Variants in RTL4 observed in about 807,000 individuals in gnomAD.
The protein encoded by RTL4 is retrotransposon Gag-like protein 4.
A neutral mutation model predicts 5.3 loss-of-function variants in RTL4; 4 were observed. The observed-to-expected ratio is 0.75, with a 90% CI of 0.37 to 1.72. The LOEUF (loss-of-function observed/expected upper bound fraction) is 1.72, where lower values mean the gene tolerates loss of function less well. Ranked by LOEUF, RTL4 falls within the 40% of genes most tolerant of loss-of-function variation. RTL4 has a pLI of 0.04. For synonymous variants in RTL4, 98 were observed against 87.3 expected, an observed-to-expected ratio of 1.12 and a Z score of -0.68; for missense variants, 260 against 227.1, an observed-to-expected ratio of 1.14 and a Z score of -0.93.
At chrX:112,090,922 A>G in the RTL4 span, among the ~76,000 whole-genome samples, 3 of 111,292 alleles carry the variant, frequency 2.7e-5, no homozygotes, top group African/African-American at 9.8e-5. Context: ...CAGTCATTCA[A>G]TCACCTTACT....
At chrX:112,316,414 G>T in the RTL4 span, among the ~76,000 whole-genome samples, 1 of 111,415 alleles carries the variant, frequency 9.0e-6, no homozygotes, top group African/African-American at 3.3e-5. Flanking sequence ...TATAAAGGAG[G>T]ACTGGATTAG....
the RTL4 span, among the ~76,000 whole-genome samples, chrX:112,332,784 A>T: frequency 9.1e-6 from 1 of 110,488 alleles, no homozygotes; most frequent in Non-Finnish European, 1.9e-5. Context: ...CACATATGTG[A>T]CGGACCTGCA....
At chrX:112,249,788 TATATAGAGAGAG>T in the RTL4 span, among the ~76,000 whole-genome samples, 1 of 97,323 alleles carries the variant, frequency 1.0e-5, no homozygotes, top group African/African-American at 4.2e-5. Flanking sequence ...TATATATATA[TATATAGAGAGAG>T]AGAGAGAGAT....
chrX:112,332,347 A>G, the RTL4 span, among the ~76,000 whole-genome samples: 1 of 110,416 alleles, frequency 9.1e-6, no homozygotes, highest in African/African-American at 3.3e-5. Context: ...TACCCAAGGG[A>G]TTATAAATCA....
At chrX:112,409,645 C>T in the RTL4 span, among the ~76,000 whole-genome samples, 5 of 108,823 alleles carry the variant, frequency 4.6e-5, no homozygotes, top group Admixed American at 3.0e-4. Context: ...CACTTGAACC[C>T]GGGAGGTGGA....
chrX:112,396,652 C>T, the RTL4 span, among the ~76,000 whole-genome samples: 307 of 111,400 alleles, frequency 2.8e-3, 1 homozygote, highest in African/African-American at 9.8e-3. Flanking sequence ...TAGTATGAGA[C>T]ATTTGGTACA....
At chrX:112,258,358 T>G in the RTL4 span, among the ~76,000 whole-genome samples, 1 of 110,450 alleles carries the variant, frequency 9.1e-6, no homozygotes, top group Non-Finnish European at 1.9e-5. Context: ...TGGCGGGTGT[T>G]GATAATAGGG....
At chrX:112,284,339 T>C in the RTL4 span, among the ~76,000 whole-genome samples, 1 of 110,770 alleles carries the variant, frequency 9.0e-6, no homozygotes, top group South Asian at 3.8e-4. Context: ...TTCTCACTTA[T>C]GGGTTGTGTG....
the RTL4 span, among the ~76,000 whole-genome samples, chrX:112,250,142 G>C: frequency 1.8e-5 from 2 of 110,335 alleles, no homozygotes; most frequent in Non-Finnish European, 3.8e-5. Context: ...AGCTGGGCGT[G>C]GTGGCTGGCG....
chrX:112,350,411 A>G, the RTL4 span, among the ~76,000 whole-genome samples: 1 of 108,264 alleles, frequency 9.2e-6, no homozygotes, highest in Non-Finnish European at 1.9e-5. Flanking sequence ...CTCTTTTTCT[A>G]TTGATTGGAA....
At chrX:112,108,071 G>C in the RTL4 span, among the ~76,000 whole-genome samples, 1 of 110,473 alleles carries the variant, frequency 9.1e-6, no homozygotes, top group Non-Finnish European at 1.9e-5. Context: ...GATTGTTTCT[G>C]CTTGATCAGT....
chrX:112,350,441 A>T, the RTL4 span, among the ~76,000 whole-genome samples: 1 of 109,542 alleles, frequency 9.1e-6, no homozygotes, highest in African/African-American at 3.3e-5. Context: ...AAGGAATGGT[A>T]CCAGTTCCTC....
At chrX:112,380,377 C>A in the RTL4 span, among the ~76,000 whole-genome samples, 1 of 111,476 alleles carries the variant, frequency 9.0e-6, no homozygotes, top group South Asian at 3.8e-4. Flanking sequence ...TGGTCTCGAT[C>A]CCCTAACCTC....
chrX:112,149,511 T>C, the RTL4 span, among the ~76,000 whole-genome samples: 116 of 110,932 alleles, frequency 1.0e-3, no homozygotes, highest in African/African-American at 3.6e-3. Flanking sequence ...GCAGAGGGTA[T>C]AGGACAAGCA....
the RTL4 span, among the ~76,000 whole-genome samples, chrX:112,348,030 A>T: frequency 9.0e-6 from 1 of 111,488 alleles, no homozygotes; most frequent in Non-Finnish European, 1.9e-5. Context: ...GGAACCAGGA[A>T]ATGTTTTCAG....
chrX:112,456,958 C>A (rs1188082589), exon 1 of RTL4: 1 of 123,152 alleles, frequency 8.1e-6, no homozygotes, highest in Non-Finnish European at 1.9e-5. Context: ...GCTAGAAAGG[C>A]AAAACTCCCT....
the RTL4 span, among the ~76,000 whole-genome samples, chrX:112,357,612 A>G: frequency 6.7e-4 from 75 of 112,316 alleles, no homozygotes; most frequent in South Asian, 0.014. Context: ...TCAACCCAAT[A>G]GCTACCTAGC....
chrX:112,363,159 A>G, the RTL4 span, among the ~76,000 whole-genome samples: 1 of 111,112 alleles, frequency 9.0e-6, no homozygotes, highest in Admixed American at 9.5e-5. Flanking sequence ...GAACACTTGG[A>G]AGACAATGAA....
the RTL4 span, among the ~76,000 whole-genome samples, chrX:112,311,669 T>C: frequency 2.7e-5 from 3 of 111,284 alleles, no homozygotes; most frequent in African/African-American, 9.8e-5. Context: ...GTTTAAGTGG[T>C]ATTTTCTATT....
Sources: gnomAD v4.1 joint callset for allele counts (sites outside exome capture counted in the v4.1 genomes callset) on GRCh38, gnomAD v4.1.1 for gene constraint, MANE v1.5 for transcripts, NCBI Gene and HGNC (gene_info 2026-07-23, HGNC 2026-07-21) for gene names.